FER1L5: variants seen among roughly 807,000 people sequenced by gnomAD.
The protein encoded by FER1L5 is fer-1-like protein 5.
In FER1L5, 187 loss-of-function variants were observed where a neutral mutation model predicts 279.9. That is an observed-to-expected ratio of 0.67 (90% CI 0.59 to 0.75). The LOEUF (loss-of-function observed/expected upper bound fraction) is 0.75. FER1L5 is among the 30% of genes least tolerant of loss of function. The pLI, the probability that FER1L5 is intolerant of heterozygous loss-of-function variation, is 0.00. For missense variants in FER1L5, 2,091 were observed against 2,594.4 expected, an observed-to-expected ratio of 0.81 and a Z score of 4.21; for synonymous variants, 921 against 989.7, an observed-to-expected ratio of 0.93 and a Z score of 1.30.
At chr2:96,704,433 G>A (rs747799785) in intron 52 of FER1L5, 35 bp from the exon 53 acceptor site, 1 of 1,612,906 alleles carries the variant, frequency 6.2e-7, no homozygotes, top group Non-Finnish European at 8.5e-7. Flanking sequence ...TCTTCAGCTT[G>A]CCACCCCAGG....
chr2:96,658,318 CTT>C (rs954953685), intron 9 of FER1L5, among the ~76,000 whole-genome samples: 21 of 128,744 alleles, frequency 1.6e-4, no homozygotes, highest in Admixed American at 1.6e-4. Context: ...ACCTGGCCAA[CTT>C]TTTTTTTTTT....
At chr2:96,662,606 A>G (rs554340399) in intron 13 of FER1L5, among the ~76,000 whole-genome samples, 2 of 152,338 alleles carry the variant, frequency 1.3e-5, no homozygotes, top group African/African-American at 4.8e-5. Context: ...ATGAACCTCT[A>G]TGAATACGGA....
At chr2:96,676,257 C>T (rs193036895) in intron 19 of FER1L5, among the ~76,000 whole-genome samples, 35 of 152,246 alleles carry the variant, frequency 2.3e-4, no homozygotes, top group South Asian at 2.1e-3. Flanking sequence ...CCACAACCTC[C>T]GCCTCCTGGG....
intron 42 of FER1L5, 27 bp downstream of exon 42, chr2:96,699,163 C>G: frequency 6.3e-7 from 1 of 1,582,474 alleles, no homozygotes; most frequent in Non-Finnish European, 8.6e-7. Context: ...CCCAAGACCC[C>G]TTCTCCACTC....
intron 23 of FER1L5, among the ~76,000 whole-genome samples, chr2:96,686,855 C>CAAAAAAAAAAA (rs58724485): frequency 1.7e-4 from 7 of 41,132 alleles, no homozygotes; most frequent in Non-Finnish European, 2.7e-4. Flanking sequence ...GACTCCGTCT[C>CAAAAAAAAAAA]AAAAAAAAAA....
chr2:96,684,215 C>A, intron 19 of FER1L5, 112 bp from the exon 20 acceptor site: 2 of 1,376,688 alleles, frequency 1.5e-6, no homozygotes, highest in Non-Finnish European at 1.9e-6. Flanking sequence ...GTTAGCAGGT[C>A]ACATCTTTGA....
In FER1L5 at chr2:96,704,814, G is replaced by A; in HGVS notation, c.*122G>A. 1.3e-6 allele frequency: 1 copy of A among 760,146 alleles called. No homozygotes were observed. The highest frequency in any genetic ancestry group is 2.1e-6 in the Non-Finnish European group (1 of 470,340). The allele number at this position is 760,146 out of a possible 1,614,324, so 47.1% of individuals were successfully genotyped here. A position where few individuals can be genotyped will look rare whatever the true frequency, so the allele number is the denominator to read the frequency against. On this transcript the variant is annotated 3_prime_UTR_variant, in exon 53 of 53. Transcript: ENST00000624922. ...ATGCTAGGAATATTCTGGCTATTGT[G>A]TTCAGAAATCACTTTCAACAAGACG...
In FER1L5 at chr2:96,703,080, G is replaced by A. The variant is rs1477324042; in HGVS notation, c.5497+3G>A. 2 of 1,613,730 alleles carry A rather than the reference G, an allele frequency of 1.2e-6. No homozygotes were observed. Among genetic ancestry groups the A allele is most frequent in the Non-Finnish European group, 1.7e-6 (2 of 1,179,780 alleles). Reference sequence around the variant, plus strand: ...CTTCTCCCCCGACGACTTCCTAGGTGAGGTCCTGACACAGGGCTTGTGACC... The same window carrying A: ...CTTCTCCCCCGACGACTTCCTAGGTAAGGTCCTGACACAGGGCTTGTGACC... On this transcript the variant is annotated splice_donor_region_variant and intron_variant, in intron 49 of 52. Coordinates refer to ENST00000624922, the MANE Select transcript of FER1L5 (RefSeq NM_001293083.2).
At chr2:96,701,628 G>A (rs921964662) in intron 45 of FER1L5, among the ~76,000 whole-genome samples, 8 of 152,016 alleles carry the variant, frequency 5.3e-5, no homozygotes, top group Non-Finnish European at 8.8e-5. Context: ...CCCCAACTCC[G>A]ATCTGGACCC....
At chr2:96,703,491 C>G (rs1466830234) in intron 50 of FER1L5, 32 bp from the exon 51 acceptor site, 24 of 1,612,792 alleles carry the variant, frequency 1.5e-5, no homozygotes, top group Non-Finnish European at 2.0e-5. Context: ...GCTGTCTGCA[C>G]TCAGCCTCCC....
chr2:96,699,443 A>C, intron 42 of FER1L5, 107 bp from the exon 43 acceptor site: 1 of 1,290,838 alleles, frequency 7.7e-7, no homozygotes, highest in African/African-American at 1.5e-5. Context: ...TGCTCTCCAC[A>C]ATCTCCATGA....
Position 96,704,369 on chromosome 2 carries a change from G to A in FER1L5, c.5949+7G>A, listed in dbSNP as rs1285354003. 3.7e-6 allele frequency: 6 copies of A among 1,613,684 alleles called. No homozygotes were observed. The highest frequency in any genetic ancestry group is 1.7e-5 in the Admixed American group (1 of 60,002). Reference sequence around the variant, plus strand: ...CTTCATCTATTCAGCTCCGGTGAGTGGCAGCCATGGGGGCAAGGACAAAGG... The same window carrying A: ...CTTCATCTATTCAGCTCCGGTGAGTAGCAGCCATGGGGGCAAGGACAAAGG... On this transcript the variant is annotated splice_region_variant and intron_variant, in intron 52 of 52. Transcript: ENST00000624922.
chr2:96,681,444 C>T (rs112535239), intron 19 of FER1L5, among the ~76,000 whole-genome samples: 3 of 152,150 alleles, frequency 2.0e-5, no homozygotes, highest in Non-Finnish European at 4.4e-5. Context: ...GCAAGCCAAT[C>T]CTCTCTGGAG....
chr2:96,672,466 C>A (rs2076363380), intron 18 of FER1L5, among the ~76,000 whole-genome samples: 1 of 151,656 alleles, frequency 6.6e-6, no homozygotes, highest in Non-Finnish European at 1.5e-5. Context: ...TATTTTTTTT[C>A]AATAGGGGAA....
At chr2:96,703,717 G>T in intron 51 of FER1L5, 85 bp downstream of exon 51, 2 of 1,199,212 alleles carry the variant, frequency 1.7e-6, no homozygotes, top group East Asian at 4.9e-5. Flanking sequence ...ATCATGGAGA[G>T]GTGGTAATTA....
intron 5 of FER1L5, among the ~76,000 whole-genome samples, chr2:96,649,910 A>C (rs2075292576): frequency 6.6e-6 from 1 of 152,190 alleles, no homozygotes; most frequent in East Asian, 1.9e-4. Context: ...CATGAGATAT[A>C]AGACATAAGT....
At position 96,672,583 on chromosome 2, in the gene FER1L5, T is replaced by G. The variant is rs541809334; in HGVS notation, c.1492-494T>G. ...ACAGGAGGCCCAAGAAAGCACTTGG[T>G]GAGAACAGCCGAAGTTGGGGGCATA... On this transcript the variant is annotated intron_variant, in intron 18 of 52. Transcript: ENST00000624922. 3.3e-5 allele frequency among the ~76,000 whole-genome samples: 5 copies of G among 151,372 alleles called. No homozygotes were observed. In the South Asian group the frequency reaches 1.0e-3, roughly 32 times the overall value.
intron 27 of FER1L5, 23 bp downstream of exon 27, chr2:96,690,612 G>A (rs981905260): frequency 3.9e-6 from 6 of 1,546,372 alleles, no homozygotes; most frequent in Middle Eastern, 1.7e-4. Flanking sequence ...GTCAGGGTTG[G>A]GATCGGGAGA....
Position 96,668,934 on chromosome 2 carries a change from C to T in FER1L5, c.1233C>T (p.Leu411=). 6.4e-7 allele frequency: 1 copy of T among 1,551,646 alleles called. No homozygotes were observed. Among genetic ancestry groups the T allele is most frequent in the Non-Finnish European group, 8.7e-7 (1 of 1,146,972 alleles). The change falls in exon 16 of 53, where the codon CTC becomes CTT. Residue 411 remains leucine, a synonymous_variant. Coordinates refer to ENST00000624922, the MANE Select transcript of FER1L5 (RefSeq NM_001293083.2). The part of the protein sequence containing the change: ...PDEIGTASLS[L]NQISSTGEEI... The stretch of plus-strand genomic sequence containing the variant: ...AGATTGGGACTGCCAGCCTGTCCCT[C>T]AACCAGATCTCGTCCACCGGAGAAG...
Sources: allele counts gnomAD v4.1 joint callset (sites outside exome capture counted in the v4.1 genomes callset), GRCh38; gene constraint gnomAD v4.1.1; transcripts MANE v1.5; gene names NCBI Gene and HGNC (gene_info 2026-07-23, HGNC 2026-07-21).